KCNMA1: variants seen among roughly 807,000 people sequenced by gnomAD.
KCNMA1 encodes potassium calcium-activated channel subfamily M alpha 1.
A neutral mutation model predicts 140.0 loss-of-function variants in KCNMA1; 29 were observed. The observed-to-expected ratio is 0.21, with a 90% CI of 0.15 to 0.28. The LOEUF (loss-of-function observed/expected upper bound fraction) is 0.28. Ranked by LOEUF, KCNMA1 falls within the 10% of genes least tolerant of loss-of-function variation. The pLI is 1.00. For synonymous variants in KCNMA1, 612 were observed against 611.9 expected (o/e 1.00, Z 0.00); for missense variants, 880 against 1,602.2 (o/e 0.55, Z 7.70).
At chr10:77,097,058 T>C (rs2096951530) in intron 9 of KCNMA1, among the ~76,000 whole-genome samples, 1 of 152,120 alleles carries the variant, frequency 6.6e-6, no homozygotes, top group African/African-American at 2.4e-5. Flanking sequence ...CCCCCCTAGG[T>C]TGACCTTGAA....
intron 2 of KCNMA1, among the ~76,000 whole-genome samples, chr10:77,289,833 T>C (rs2072535995): frequency 6.6e-6 from 1 of 152,194 alleles, no homozygotes; most frequent in Admixed American, 6.5e-5. Context: ...AATTTCTACC[T>C]GTAGATATTG....
intron 15 of KCNMA1, among the ~76,000 whole-genome samples, chr10:77,038,003 T>C (rs762103492): frequency 5.9e-5 from 9 of 152,134 alleles, no homozygotes; most frequent in South Asian, 2.1e-4. Flanking sequence ...AGAAAATAAC[T>C]CCTTCCGAAT....
At chr10:77,027,338 C>T (rs1024220873) in intron 16 of KCNMA1, among the ~76,000 whole-genome samples, 4 of 152,148 alleles carry the variant, frequency 2.6e-5, no homozygotes, top group Non-Finnish European at 5.9e-5. Context: ...TATTCTGCCA[C>T]CTGGATTTTG....
chr10:77,605,217 G>A (rs1012632239), intron 1 of KCNMA1, among the ~76,000 whole-genome samples: 1 of 152,218 alleles, frequency 6.6e-6, no homozygotes, highest in African/African-American at 2.4e-5. Flanking sequence ...CCCTGTGTTG[G>A]GTGCTTGCTA....
At chr10:77,352,806 C>T (rs1175566617) in intron 2 of KCNMA1, among the ~76,000 whole-genome samples, 2 of 152,214 alleles carry the variant, frequency 1.3e-5, no homozygotes, top group African/African-American at 4.8e-5. Flanking sequence ...CTGGGCAGTA[C>T]TGTAGAACAT....
chr10:77,548,333 A>C (rs1439268094), intron 1 of KCNMA1, among the ~76,000 whole-genome samples: 1 of 152,230 alleles, frequency 6.6e-6, no homozygotes, highest in Non-Finnish European at 1.5e-5. Flanking sequence ...CAACACTTGG[A>C]AGCCTAACGT....
chr10:77,570,219 C>T (rs1262258225), intron 1 of KCNMA1, among the ~76,000 whole-genome samples: 2 of 149,204 alleles, frequency 1.3e-5, no homozygotes, highest in Admixed American at 6.7e-5. Context: ...CCATTTGACC[C>T]AGCCATCCCA....
intron 2 of KCNMA1, among the ~76,000 whole-genome samples, chr10:77,361,853 C>T (rs578253887): frequency 4.6e-5 from 7 of 152,318 alleles, no homozygotes; most frequent in African/African-American, 1.4e-4. Flanking sequence ...AAAGCGGGAA[C>T]GAAAGCAAGG....
chr10:76,971,986 T>TGTGTGTGTGG lies in KCNMA1; in HGVS notation c.2267-1920_2267-1919insCCACACACAC, dbSNP rs2076230756. ...GCGAGGGTGTGTGGGTGTGTGTGTG[T>TGTGTGTGTGG]GTGTGTGTGTGTAGGTATGCTTTCG... On this transcript the variant is annotated intron_variant, in intron 19 of 27. Coordinates refer to ENST00000286628, the MANE Select transcript of KCNMA1 (RefSeq NM_001161352.2). Among the ~76,000 whole-genome samples, 3 of 151,780 alleles carry TGTGTGTGTGG rather than the reference T, an allele frequency of 2.0e-5. No individual in the cohort carries two copies. The South Asian group carries it at 6.2e-4, about 32-fold the overall frequency.
chr10:76,985,801 T>C (rs940091712), intron 19 of KCNMA1, among the ~76,000 whole-genome samples: 2 of 152,332 alleles, frequency 1.3e-5, no homozygotes, highest in East Asian at 3.9e-4. Flanking sequence ...GAAGTGATCA[T>C]TATGCAACAG....
intron 2 of KCNMA1, among the ~76,000 whole-genome samples, chr10:77,353,444 C>G (rs1198936982): frequency 2.0e-5 from 3 of 151,910 alleles, no homozygotes; most frequent in Non-Finnish European, 4.4e-5. Flanking sequence ...TTAATAATAG[C>G]TAAGATTTAT....
intron 20 of KCNMA1, among the ~76,000 whole-genome samples, chr10:76,960,618 G>GTTTTTTT (rs55685324): frequency 1.0e-3 from 61 of 59,278 alleles, no homozygotes; most frequent in African/African-American, 1.6e-3. Flanking sequence ...TTATGGTTTT[G>GTTTTTTT]TTTTTTTTTT....
chr10:77,499,422 T>TATATATATATATATATATATATAC (rs1390141467), intron 1 of KCNMA1, among the ~76,000 whole-genome samples: 1 of 105,584 alleles, frequency 9.5e-6, no homozygotes, highest in African/African-American at 3.2e-5. Context: ...TATATATATA[T>TATATATATATATATATATATATAC]ACACACACAC....
chr10:77,144,436 A>G (rs1220061884), intron 5 of KCNMA1, among the ~76,000 whole-genome samples: 3 of 152,212 alleles, frequency 2.0e-5, no homozygotes, highest in African/African-American at 7.2e-5. Context: ...GAGAGCAGAT[A>G]TTGACAGAAA....
chr10:77,023,112 A>G (rs1373294856), intron 16 of KCNMA1, among the ~76,000 whole-genome samples: 1 of 152,184 alleles, frequency 6.6e-6, no homozygotes, highest in Non-Finnish European at 1.5e-5. Flanking sequence ...GTTGTATCAC[A>G]TTTCATTGGG....
At chr10:77,212,729 T>C (rs2046463816) in intron 3 of KCNMA1, among the ~76,000 whole-genome samples, 1 of 152,114 alleles carries the variant, frequency 6.6e-6, no homozygotes, top group African/African-American at 2.4e-5. Flanking sequence ...TCTTCCTCAT[T>C]AAGCTGTATG....
chr10:77,129,590 C>A (rs186244544), intron 5 of KCNMA1, among the ~76,000 whole-genome samples: 2 of 152,042 alleles, frequency 1.3e-5, no homozygotes, highest in East Asian at 3.9e-4. Context: ...ATTTATAAAA[C>A]AAAGCATTCA....
At chr10:77,531,644 T>C (rs1444817998) in intron 1 of KCNMA1, among the ~76,000 whole-genome samples, 1 of 152,162 alleles carries the variant, frequency 6.6e-6, no homozygotes. Flanking sequence ...CAAGAGCACA[T>C]GGGATCAGCA....
At chr10:77,587,276 A>G (rs1373415736) in intron 1 of KCNMA1, 2 of 152,162 alleles carry the variant, frequency 1.3e-5, no homozygotes, top group Admixed American at 6.5e-5. Context: ...CACGCCCTGA[A>G]GAAGGCAAGA....
Sources: allele counts gnomAD v4.1 joint callset (sites outside exome capture counted in the v4.1 genomes callset), GRCh38; gene constraint gnomAD v4.1.1; transcripts MANE v1.5; gene names NCBI Gene and HGNC (gene_info 2026-07-23, HGNC 2026-07-21).